The following TTLL6 variants were observed in gnomAD, a reference collection of about 807,000 sequenced individuals.
The protein encoded by TTLL6 is tubulin polyglutamylase TTLL6.
A neutral mutation model predicts 96.4 loss-of-function variants in TTLL6; 75 were observed. The ratio of observed to expected loss-of-function variants is 0.78; its 90% CI spans 0.65 to 0.94. The LOEUF (loss-of-function observed/expected upper bound fraction) is 0.94. Ranked by LOEUF, TTLL6 falls within the 40% of genes least tolerant of loss-of-function variation. The probability of loss-of-function intolerance (pLI) is 0.00; values close to 1 mark genes in which losing one functional copy is unlikely to be tolerated. For synonymous variants in TTLL6, 411 were observed against 419.4 expected (o/e 0.98, Z 0.24); for missense variants, 1,030 against 1,093.0 (o/e 0.94, Z 0.81).
intron 8 of TTLL6, chr17:48,794,233 C>A: frequency 6.2e-7 from 1 of 1,614,114 alleles, no homozygotes; most frequent in African/African-American, 1.3e-5. Context: ...GACACCCCTC[C>A]ATCACAGCCG....
chr17:48,787,055 T>C (rs931398762), intron 11 of TTLL6, among the ~76,000 whole-genome samples: 5 of 152,126 alleles, frequency 3.3e-5, no homozygotes, highest in African/African-American at 1.2e-4. Context: ...GATCTTGAAC[T>C]CCTGACCTCG....
intron 6 of TTLL6, among the ~76,000 whole-genome samples, chr17:48,797,775 A>G (rs2039343773): frequency 8.2e-6 from 1 of 122,132 alleles, no homozygotes; most frequent in African/African-American, 3.1e-5. Context: ...GCGAAAGAGC[A>G]AAACTCCATC....
intron 13 of TTLL6, among the ~76,000 whole-genome samples, chr17:48,772,602 G>A (rs1369693742): frequency 6.6e-6 from 1 of 151,736 alleles, no homozygotes; most frequent in Admixed American, 6.6e-5. Flanking sequence ...GTGGTGGCAC[G>A]CGCCTGTAGT....
Position 48,817,107 on chromosome 17 carries a change from C to A in TTLL6, c.-35G>T. On this transcript the variant is annotated 5_prime_UTR_variant, in exon 1 of 16. Transcript: ENST00000393382. Reference sequence around the variant, plus strand: ...GACAGCCCCAACCCCAACCCGCGCTCGCCCTAACTTTGGGTCCGCCCGGCC... The same window carrying A: ...GACAGCCCCAACCCCAACCCGCGCTAGCCCTAACTTTGGGTCCGCCCGGCC... The A allele has an allele frequency of 1.3e-6, 2 of 1,506,480 alleles. No homozygotes were observed. The highest frequency in any genetic ancestry group is 1.8e-6 in the Non-Finnish European group (2 of 1,122,792). 93.3% of individuals were successfully genotyped at this position (1,506,480 alleles called of 1,614,324 possible). A position where few individuals can be genotyped will look rare whatever the true frequency, so the allele number is the denominator to read the frequency against.
intron 13 of TTLL6, among the ~76,000 whole-genome samples, chr17:48,777,251 G>A (rs566841318): frequency 6.6e-6 from 1 of 152,264 alleles, no homozygotes; most frequent in South Asian, 2.1e-4. Context: ...TTAATTTGAT[G>A]TGGATCATGA....
At chr17:48,770,265 A>G (rs1481276910) in intron 13 of TTLL6, among the ~76,000 whole-genome samples, 168 bp from the exon 14 acceptor site, 4 of 151,742 alleles carry the variant, frequency 2.6e-5, no homozygotes, top group African/African-American at 9.7e-5. Context: ...AGTAGCTGGG[A>G]CTACATGTGA....
Position 48,784,981 on chromosome 17 carries a change from T to C in TTLL6, c.1982A>G (p.Asn661Ser). ...AGACTTGGCCTCCTTGATGCTGAAGTTGGGTTTACTGGGCTCCAACTTCGA... is the reference window on the plus strand; with the variant it reads ...AGACTTGGCCTCCTTGATGCTGAAGCTGGGTTTACTGGGCTCCAACTTCGA... ...SSSKLEPSKP[N>S]FSIKEAKSAS... The change falls in exon 13 of 16, where the codon AAC (asparagine) becomes AGC (serine). Residue 661 changes from asparagine to serine, a missense_variant. By Grantham distance (46) the Asn-to-Ser change is conservative. Transcript: ENST00000393382. 4.3e-6 allele frequency: 7 copies of C among 1,614,138 alleles called. No individual in the cohort carries two copies. The highest frequency in any genetic ancestry group is 5.9e-6 in the Non-Finnish European group (7 of 1,180,026).
chr17:48,769,489 C>G (rs562325796), intron 14 of TTLL6, among the ~76,000 whole-genome samples: 1 of 152,190 alleles, frequency 6.6e-6, no homozygotes, highest in African/African-American at 2.4e-5. Context: ...GAATGAGAAC[C>G]AGGAAGTGGT....
intron 13 of TTLL6, 29 bp from the exon 14 acceptor site, chr17:48,770,126 C>A: frequency 6.4e-7 from 1 of 1,556,458 alleles, no homozygotes. Context: ...CAAAATGAGA[C>A]TGTGGAAAGC....
In TTLL6 at chr17:48,773,809, G is replaced by A. The variant is rs539294664; in HGVS notation, c.2041-3712C>T. 1.6e-4 allele frequency among the ~76,000 whole-genome samples: 24 copies of A among 152,016 alleles called. No homozygotes were observed. The South Asian group carries it at 5.0e-3, about 32-fold the overall frequency. On this transcript the variant is annotated intron_variant, in intron 13 of 15. Coordinates refer to ENST00000393382, the MANE Select transcript of TTLL6 (RefSeq NM_001130918.3). ...TAAAAAACTAGAAAAGTGGCTGGGTGGGGTGGCTTACGCCTGCAATCCCAG... is the reference window on the plus strand; with the variant it reads ...TAAAAAACTAGAAAAGTGGCTGGGTAGGGTGGCTTACGCCTGCAATCCCAG...
At chr17:48,784,814 C>T in intron 13 of TTLL6, 109 bp downstream of exon 13, 1 of 863,098 alleles carries the variant, frequency 1.2e-6, no homozygotes, top group Non-Finnish European at 1.8e-6. Context: ...CACCAAGGCC[C>T]AGGGAGGCTC....
chr17:48,816,667 G>T (rs2039671192), intron 1 of TTLL6, among the ~76,000 whole-genome samples: 1 of 152,212 alleles, frequency 6.6e-6, no homozygotes, highest in South Asian at 2.1e-4. Context: ...GAAGAGAGTT[G>T]TGTGAGTCCC....
At chr17:48,811,955 C>T (rs1471319427) in intron 1 of TTLL6, among the ~76,000 whole-genome samples, 1 of 152,094 alleles carries the variant, frequency 6.6e-6, no homozygotes, top group Non-Finnish European at 1.5e-5. Context: ...CCCACCTCGG[C>T]CTCCCAAAGT....
In TTLL6 at chr17:48,816,969, C is replaced by A. The variant is rs1313120171; in HGVS notation, c.103+1G>T. Reference sequence around the variant, plus strand: ...AGCACCGGGCTTTGGGGCGCTCTTACCCGCAATTCCTACTCCCCCGTCTCG... The same window carrying A: ...AGCACCGGGCTTTGGGGCGCTCTTAACCGCAATTCCTACTCCCCCGTCTCG... On this transcript the variant is annotated splice_donor_variant, in intron 1 of 15. Transcript: ENST00000393382. LOFTEE classifies it high-confidence loss of function. The A allele has an allele frequency of 2.5e-5, 39 of 1,531,396 alleles. No homozygotes were observed. Among genetic ancestry groups the A allele is most frequent in the Non-Finnish European group, 2.5e-5 (29 of 1,141,258 alleles). 94.9% of individuals were successfully genotyped at this position (1,531,396 alleles called of 1,614,324 possible).
intron 13 of TTLL6, among the ~76,000 whole-genome samples, chr17:48,782,106 T>TG (rs2038997827): frequency 2.4e-5 from 1 of 41,338 alleles, no homozygotes; most frequent in African/African-American, 1.0e-4. Context: ...TTTTCTTTTC[T>TG]TTTTTTTTTT....
chr17:48,791,667 T>C, intron 8 of TTLL6, 64 bp from the exon 9 acceptor site: 1 of 1,402,064 alleles, frequency 7.1e-7, no homozygotes, highest in Non-Finnish European at 9.8e-7. Context: ...GGCCATGGCA[T>C]GCTGGAAACC....
chr17:48,770,493 G>GTAT (rs2038717980), intron 13 of TTLL6, among the ~76,000 whole-genome samples: 1 of 116,674 alleles, frequency 8.6e-6, no homozygotes, highest in Non-Finnish European at 2.0e-5. Flanking sequence ...AGAACAATAG[G>GTAT]TATTATTATT....
chr17:48,765,125 C>T (rs527650029), intron 15 of TTLL6, among the ~76,000 whole-genome samples: 28 of 152,252 alleles, frequency 1.8e-4, no homozygotes, highest in African/African-American at 6.5e-4. Flanking sequence ...TTTTCTAAAG[C>T]TCAAGGCCAA....
intron 7 of TTLL6, 32 bp downstream of exon 7, chr17:48,797,029 G>A: frequency 6.5e-7 from 1 of 1,539,596 alleles, no homozygotes. Context: ...CGCTATGGGG[G>A]TAGGGTGAGG....
Sources: allele counts gnomAD v4.1 joint callset (sites outside exome capture counted in the v4.1 genomes callset), GRCh38; gene constraint gnomAD v4.1.1; transcripts MANE v1.5; gene names NCBI Gene and HGNC (gene_info 2026-07-23, HGNC 2026-07-21).